The following PJVK variants were observed in gnomAD, a reference collection of about 807,000 sequenced individuals.
PJVK encodes pejvakin.
PJVK carries 33 observed loss-of-function variants against 37.6 expected under a neutral mutation model. That is an observed-to-expected ratio of 0.88 (90% CI 0.67 to 1.17). PJVK has a LOEUF of 1.17. Ranked by LOEUF, PJVK falls within the 50% of genes most tolerant of loss-of-function variation. The pLI is 0.00. For missense variants in PJVK, 410 were observed against 413.8 expected, an observed-to-expected ratio of 0.99 and a Z score of 0.08; for synonymous variants, 141 against 143.5, an observed-to-expected ratio of 0.98 and a Z score of 0.13.
intron 1 of PJVK, 64 bp from the exon 2 acceptor site, chr2:178,453,324 C>T: frequency 7.5e-7 from 1 of 1,325,554 alleles, no homozygotes; most frequent in Non-Finnish European, 1.1e-6. Context: ...TATTTAAAAA[C>T]AAGCAATGCT....
chr2:178,461,056 C>A lies in PJVK; in HGVS notation c.841C>A (p.Pro281Thr). The change falls in exon 7 of 7, where the codon CCT becomes ACT. Residue 281 changes from proline to threonine, a missense_variant. By Grantham distance (38) the Pro-to-Thr change is conservative. Transcript: ENST00000644580. ...DDLFSDYYDK[P>T]LSMTDISLKE... The stretch of plus-strand genomic sequence containing the variant: ...TCTTTTTTCTGACTACTATGACAAA[C>A]CTCTCAGCATGACTGATATTTCACT... 6.2e-7 allele frequency: 1 copy of A among 1,614,026 alleles called. No homozygotes were observed. The highest frequency in any genetic ancestry group is 8.5e-7 in the Non-Finnish European group (1 of 1,179,992).
Position 178,451,657 on chromosome 2 carries a change from C to G in PJVK, c.-135C>G, listed in dbSNP as rs1289746046. On this transcript the variant is annotated 5_prime_UTR_variant, in exon 1 of 7. Coordinates refer to ENST00000644580, the MANE Select transcript of PJVK (RefSeq NM_001042702.5). ...CTCCAGGGGGCTGCGGTGCGCTCTT[C>G]GGGTCCCCGAGCCCTGTGTTTAGGA... 2 of 408,206 alleles carry G rather than the reference C, an allele frequency of 4.9e-6. No individual in the cohort carries two copies. Among genetic ancestry groups the G allele is most frequent in the African/African-American group, 4.3e-5 (2 of 46,080 alleles). The allele number at this position is 408,206 out of a possible 1,614,324, so 25.3% of individuals were successfully genotyped here. A position where few individuals can be genotyped will look rare whatever the true frequency, so the allele number is the denominator to read the frequency against.
intron 3 of PJVK, 103 bp from the exon 4 acceptor site, chr2:178,455,907 A>T (rs1474693725): frequency 7.5e-7 from 1 of 1,329,250 alleles, no homozygotes; most frequent in South Asian, 1.3e-5. Context: ...TTGATTTACT[A>T]TTAGGTGAAC....
Position 178,454,346 on chromosome 2 carries a change from C to G in PJVK, c.226C>G (p.Gln76Glu). The G allele has an allele frequency of 1.2e-6, 2 of 1,612,398 alleles. No homozygotes were observed. The highest frequency in any genetic ancestry group is 1.7e-6 in the Non-Finnish European group (2 of 1,179,010). The change falls in exon 3 of 7, where the codon CAA becomes GAA. Residue 76 changes from glutamine to glutamate, a missense_variant. Physicochemically the swap from Gln to Glu is conservative, Grantham distance 29 (BLOSUM62 2). Coordinates refer to ENST00000644580, the MANE Select transcript of PJVK (RefSeq NM_001042702.5). ...REISAGISSY[Q>E]LLNYEDESDV... ...TTCTTATAAAGGTATTTCATCTTAT[C>G]AATTACTGAATTATGAAGATGAATC...
chr2:178,454,662 T>C (rs576958025), intron 3 of PJVK, 135 bp downstream of exon 3: 581 of 1,426,044 alleles, frequency 4.1e-4, no homozygotes, highest in Non-Finnish European at 5.3e-4. Flanking sequence ...TTGAAATACA[T>C]TGGTAGTATA....
chr2:178,459,464 G>A (rs12615980), intron 5 of PJVK, among the ~76,000 whole-genome samples: 4,206 of 152,006 alleles, frequency 0.028, 92 homozygotes, highest in East Asian at 0.13. Flanking sequence ...ATTTTGATAC[G>A]GGCATACAGT....
At position 178,457,223 on chromosome 2, in the gene PJVK, C is replaced by T. The variant is rs151299514; in HGVS notation, c.549+1072C>T. On this transcript the variant is annotated intron_variant, in intron 4 of 6. Transcript: ENST00000644580. ...CTGGGATTACAGGTGTGAGCCACCG[C>T]GCCTGGCCTGAATTTATATTTTTAT... Among the ~76,000 whole-genome samples the T allele has an allele frequency of 1.5e-3, 224 of 152,260 alleles. 5 individuals are homozygous for T. The South Asian group carries it at 0.022, about 15-fold the overall frequency.
At chr2:178,454,012 G>T in intron 2 of PJVK, 1 of 318,990 alleles carries the variant, frequency 3.1e-6, no homozygotes. Context: ...TGTATTGAAG[G>T]GTAGGTTATA....
intron 3 of PJVK, chr2:178,455,055 A>G (rs868831303): frequency 4.9e-5 from 67 of 1,368,308 alleles, no homozygotes; most frequent in Admixed American, 1.4e-4. Context: ...CGGCACCTCC[A>G]GGTGGGGCTC....
intron 3 of PJVK, chr2:178,455,143 C>T (rs368112382): frequency 2.2e-4 from 349 of 1,600,804 alleles, no homozygotes; most frequent in Middle Eastern, 1.5e-3. Context: ...TCATTGAGGA[C>T]GGCAAGGTGG....
At chr2:178,456,937 A>G (rs1188962363) in intron 4 of PJVK, among the ~76,000 whole-genome samples, 1 of 152,206 alleles carries the variant, frequency 6.6e-6, no homozygotes, top group Admixed American at 6.5e-5. Flanking sequence ...TAAGTGATAG[A>G]GTTTTTACAC....
rs1316759937 is a variant in PJVK, at chr2:178,461,137, C to G, written c.922C>G (p.Pro308Ala). 1 of 1,614,148 alleles carries G rather than the reference C, an allele frequency of 6.2e-7. No homozygotes were observed. Among genetic ancestry groups the G allele is most frequent in the Non-Finnish European group, 8.5e-7 (1 of 1,180,022 alleles). ...ACTTAATCACAACATTCCCAAAGGG[C>G]CTTGCATACTCTGTGGAATGGGGAA... The part of the protein sequence containing the change: ...NLLNHNIPKG[P>A]CILCGMGNFK... Residue 308 changes from proline to alanine, a missense_variant, in exon 7 of 7, where the codon CCT becomes GCT. By Grantham distance (27) the Pro-to-Ala change is conservative. Transcript: ENST00000644580.
At chr2:178,460,742 G>A (rs1684441155) in intron 6 of PJVK, among the ~76,000 whole-genome samples, 1 of 150,804 alleles carries the variant, frequency 6.6e-6, no homozygotes, top group Admixed American at 6.6e-5. Context: ...CCAGCTACTT[G>A]AGAGGCTGAG....
At position 178,451,489 on chromosome 2, in the gene PJVK, G is replaced by A. The variant is rs114119504; in HGVS notation, c.-303G>A. 8.2e-3 allele frequency: 1,330 copies of A among 162,256 alleles called. 19 individuals are homozygous for A. Among genetic ancestry groups the A allele is most frequent in the African/African-American group, 0.03 (1,257 of 41,804 alleles). The allele number at this position is 162,256 out of a possible 1,614,324, so 10.1% of individuals were successfully genotyped here. A position where few individuals can be genotyped will look rare whatever the true frequency, so the allele number is the denominator to read the frequency against. On this transcript the variant is annotated 5_prime_UTR_variant, in exon 1 of 7. Transcript: ENST00000644580. ...GATTGTCCGGCGTGGGTCTAGGGTCGTTGAGGCCTAAAGTTAAGCCTTTGT... is the reference window on the plus strand; with the variant it reads ...GATTGTCCGGCGTGGGTCTAGGGTCATTGAGGCCTAAAGTTAAGCCTTTGT...
chr2:178,453,083 ACTAT>A, intron 1 of PJVK: 2 of 326,658 alleles, frequency 6.1e-6, no homozygotes, highest in Non-Finnish European at 1.2e-5. Flanking sequence ...GTGGCAAATC[ACTAT>A]CTACTGTGAT....
intron 4 of PJVK, among the ~76,000 whole-genome samples, chr2:178,456,469 A>G (rs952231927): frequency 1.3e-5 from 2 of 152,100 alleles, no homozygotes; most frequent in African/African-American, 4.8e-5. Context: ...TTTATTTTTA[A>G]GTGATACAGT....
Position 178,461,186 on chromosome 2 carries a change from G to A in PJVK, c.971G>A (p.Gly324Glu), listed in dbSNP as rs1684487526. Residue 324 changes from glycine to glutamate, a missense_variant, in exon 7 of 7, where the codon GGG becomes GAG. Gly to Glu is a moderately conservative substitution (Grantham distance 98). Coordinates refer to ENST00000644580, the MANE Select transcript of PJVK (RefSeq NM_001042702.5). Reference sequence around the variant, plus strand: ...AACTTCAAAAGGGAGACAGTTTATGGGTGCTTTCAGTGTTCTGTTGATGGT... The same window carrying A: ...AACTTCAAAAGGGAGACAGTTTATGAGTGCTTTCAGTGTTCTGTTGATGGT... ...MGNFKRETVY[G>E]CFQCSVDGQK... 1.2e-6 allele frequency: 2 copies of A among 1,614,092 alleles called. No homozygotes were observed. The highest frequency in any genetic ancestry group is 1.7e-6 in the Non-Finnish European group (2 of 1,180,002).
chr2:178,458,619 G>T lies in PJVK; in HGVS notation c.659G>T (p.Gly220Val), dbSNP rs1280834633. 3.1e-6 allele frequency: 5 copies of T among 1,611,270 alleles called. No individual in the cohort carries two copies. The highest frequency in any genetic ancestry group is 3.4e-6 in the Non-Finnish European group (4 of 1,177,482). ...TTTGAACTCTTCATATACCTGGATG[G>T]TGCCTTTGGTGAGTTAAGGGTCTGC... ...SVFELFIYLDGAFDLCVTSVS... is the reference protein window; with the variant it reads ...SVFELFIYLDVAFDLCVTSVS... The change falls in exon 5 of 7, where the codon GGT becomes GTT. Residue 220 changes from glycine (G) to valine (V), a missense_variant. By Grantham distance (109) the Gly-to-Val change is moderately radical. Transcript: ENST00000644580.
chr2:178,454,398 G>A lies in PJVK; in HGVS notation c.278G>A (p.Gly93Asp). 3 of 1,613,918 alleles carry A rather than the reference G, an allele frequency of 1.9e-6. No homozygotes were observed. The highest frequency in any genetic ancestry group is 1.3e-5 in the African/African-American group (1 of 75,028). ...GATGTTTCACTCTATGGAAGGCGAG[G>A]TAACCATATTGTAAATGACGTTGGG... ...ESDVSLYGRRGNHIVNDVGIN... is the reference protein window; with the variant it reads ...ESDVSLYGRRDNHIVNDVGIN... Residue 93 changes from glycine (G) to aspartate (D), a missense_variant, in exon 3 of 7, where the codon GGT (glycine) becomes GAT (aspartate). Gly to Asp is a moderately conservative substitution (Grantham distance 94). Transcript: ENST00000644580.
Sources: allele counts gnomAD v4.1 joint callset (sites outside exome capture counted in the v4.1 genomes callset), GRCh38; gene constraint gnomAD v4.1.1; transcripts MANE v1.5; gene names NCBI Gene and HGNC (gene_info 2026-07-23, HGNC 2026-07-21).